The following ANKS1B variants were observed in gnomAD, a reference collection of about 807,000 sequenced individuals.
The protein encoded by ANKS1B is ankyrin repeat and sterile alpha motif domain-containing protein 1B.
In ANKS1B, 36 loss-of-function variants were observed where a neutral mutation model predicts 148.3. That is an observed-to-expected ratio of 0.24 (90% CI 0.19 to 0.32). The LOEUF is 0.32. ANKS1B is among the 10% of genes least tolerant of loss of function. ANKS1B has a pLI of 1.00. For missense variants in ANKS1B, 1,157 were observed against 1,542.6 expected (o/e 0.75, Z 4.19); for synonymous variants, 542 against 560.8 (o/e 0.97, Z 0.47).
intron 1 of ANKS1B, among the ~76,000 whole-genome samples, chr12:99,834,042 G>A (rs1031760806): frequency 1.3e-5 from 2 of 151,998 alleles, no homozygotes; most frequent in African/African-American, 4.8e-5. Flanking sequence ...CGACACATCT[G>A]AAACACCATA....
intron 16 of ANKS1B, among the ~76,000 whole-genome samples, chr12:99,060,497 A>T (rs1565821794): frequency 6.6e-6 from 1 of 152,126 alleles, no homozygotes; most frequent in Non-Finnish European, 1.5e-5. Flanking sequence ...TTTAAAAAGA[A>T]ATGTTTGAAA....
At chr12:99,147,970 G>A (rs767431119) in intron 15 of ANKS1B, among the ~76,000 whole-genome samples, 2 of 152,074 alleles carry the variant, frequency 1.3e-5, no homozygotes, top group Non-Finnish European at 2.9e-5. Context: ...ACTTAAAAGA[G>A]AGCAATTTCA....
chr12:98,984,025 T>C (rs549673560), intron 17 of ANKS1B, among the ~76,000 whole-genome samples: 4 of 152,370 alleles, frequency 2.6e-5, no homozygotes, highest in African/African-American at 9.6e-5. Context: ...TTTCTGCTGA[T>C]ACAATTTTCT....
intron 12 of ANKS1B, among the ~76,000 whole-genome samples, chr12:99,299,713 A>G (rs114738862): frequency 0.017 from 2,548 of 152,306 alleles, 79 homozygotes; most frequent in African/African-American, 0.058. Flanking sequence ...ACATATCTAT[A>G]TGCATACCCA....
At position 98,856,120 on chromosome 12, in the gene ANKS1B, C is replaced by A. The variant is rs114311644; in HGVS notation, c.2779-23984G>T. Among the ~76,000 whole-genome samples the A allele has an allele frequency of 2.3e-3, 349 of 152,312 alleles. 2 individuals carry two copies. The highest frequency in any genetic ancestry group is 7.7e-3 in the African/African-American group (319 of 41,578). ...ATAAATTAAATAATTCCTCAGCAAA[C>A]AATATCTTTCTGTGAGGTGCATATA... On this transcript the variant is annotated intron_variant, in intron 17 of 26. Coordinates refer to ENST00000683438, the MANE Select transcript of ANKS1B (RefSeq NM_001352186.2).
At chr12:99,586,814 C>G (rs898143551) in intron 9 of ANKS1B, among the ~76,000 whole-genome samples, 2 of 152,090 alleles carry the variant, frequency 1.3e-5, no homozygotes, top group African/African-American at 4.8e-5. Context: ...GGGGAACTCC[C>G]CTTTATAAAA....
chr12:99,497,915 T>C (rs1567216274), intron 10 of ANKS1B, among the ~76,000 whole-genome samples: 1 of 152,068 alleles, frequency 6.6e-6, no homozygotes, highest in Non-Finnish European at 1.5e-5. Flanking sequence ...AGAGTAGTAA[T>C]GCCCATTTTG....
At chr12:99,893,220 A>C (rs911269857) in intron 1 of ANKS1B, among the ~76,000 whole-genome samples, 8 of 151,900 alleles carry the variant, frequency 5.3e-5, no homozygotes, top group Non-Finnish European at 8.8e-5. Flanking sequence ...ACCATCCTGG[A>C]TAACACAGTG....
chr12:99,421,046 C>G (rs1033890262), intron 11 of ANKS1B, among the ~76,000 whole-genome samples: 1 of 151,996 alleles, frequency 6.6e-6, no homozygotes, highest in African/African-American at 2.4e-5. Flanking sequence ...TATAAGCCTC[C>G]CCACAGAATT....
At chr12:98,908,878 T>C (rs1391137158) in intron 17 of ANKS1B, among the ~76,000 whole-genome samples, 5 of 152,204 alleles carry the variant, frequency 3.3e-5, no homozygotes, top group Non-Finnish European at 7.3e-5. Context: ...AATTGTTTGG[T>C]TGGGTTTATG....
intron 17 of ANKS1B, among the ~76,000 whole-genome samples, chr12:98,963,112 T>A (rs1597657217): frequency 6.6e-6 from 1 of 151,522 alleles, no homozygotes. Flanking sequence ...ATAAATAAAA[T>A]TAAAATGGAG....
At chr12:99,875,034 T>A (rs2091923602) in intron 1 of ANKS1B, among the ~76,000 whole-genome samples, 1 of 152,000 alleles carries the variant, frequency 6.6e-6, no homozygotes. Context: ...GGCCTTGGGG[T>A]AAAGAGGTAG....
intron 4 of ANKS1B, among the ~76,000 whole-genome samples, chr12:99,798,563 G>T (rs1262179563): frequency 6.6e-6 from 1 of 151,942 alleles, no homozygotes; most frequent in East Asian, 1.9e-4. Flanking sequence ...TCAATTGTGG[G>T]TATCTAACTT....
intron 17 of ANKS1B, among the ~76,000 whole-genome samples, chr12:98,865,079 A>G (rs1272133026): frequency 6.6e-6 from 1 of 152,158 alleles, no homozygotes; most frequent in East Asian, 1.9e-4. Context: ...GCCACCAGCC[A>G]GTACATATTC....
At chr12:98,831,987 A>C (rs2099320863) in intron 18 of ANKS1B, 42 bp downstream of exon 18, 4 of 1,513,986 alleles carry the variant, frequency 2.6e-6, no homozygotes, top group Non-Finnish European at 3.6e-6. Flanking sequence ...AATAGTTCTT[A>C]AGATAAGGGC....
At chr12:99,275,591 G>T (rs2153993080) in intron 12 of ANKS1B, among the ~76,000 whole-genome samples, 1 of 152,198 alleles carries the variant, frequency 6.6e-6, no homozygotes. Context: ...TCATTTGTTT[G>T]TTGATGGACA....
chr12:99,710,148 C>A (rs1276675295), intron 8 of ANKS1B, among the ~76,000 whole-genome samples: 1 of 152,080 alleles, frequency 6.6e-6, no homozygotes, highest in African/African-American at 2.4e-5. Flanking sequence ...AAAACTTGAT[C>A]CAACAGGAAT....
At chr12:99,930,202 G>A (rs1206969677) in intron 1 of ANKS1B, among the ~76,000 whole-genome samples, 4 of 151,740 alleles carry the variant, frequency 2.6e-5, no homozygotes, top group Non-Finnish European at 5.9e-5. Flanking sequence ...TCTCCTTGAA[G>A]AAGTCCTTCA....
intron 14 of ANKS1B, among the ~76,000 whole-genome samples, chr12:99,158,538 G>A (rs2076312070): frequency 6.6e-6 from 1 of 152,066 alleles, no homozygotes; most frequent in Non-Finnish European, 1.5e-5. Context: ...ACAGGTCCAA[G>A]CCCCAGTCAA....
Sources: gnomAD v4.1 joint callset for allele counts (sites outside exome capture counted in the v4.1 genomes callset) on GRCh38, gnomAD v4.1.1 for gene constraint, MANE v1.5 for transcripts, NCBI Gene and HGNC (gene_info 2026-07-23, HGNC 2026-07-21) for gene names.